Variants in MMP26 observed in about 807,000 individuals in gnomAD.
The protein encoded by MMP26 is matrix metalloproteinase-26.
Under a neutral mutation model 31.0 loss-of-function variants are expected in MMP26, and 33 were observed. The observed-to-expected ratio is 1.06, with a 90% CI of 0.81 to 1.42. The LOEUF is 1.42. Ranked by LOEUF, MMP26 falls within the 40% of genes most tolerant of loss-of-function variation. The pLI is 0.00. For missense variants in MMP26, 347 were observed against 316.1 expected (o/e 1.10, Z -0.74); for synonymous variants, 122 against 114.9 (o/e 1.06, Z -0.40).
At chr11:4,855,092 T>TA (rs1276708276) in intron 2 of MMP26, among the ~76,000 whole-genome samples, 6 of 152,028 alleles carry the variant, frequency 3.9e-5, no homozygotes, top group Admixed American at 6.6e-5. Flanking sequence ...CAAAGGTAGA[T>TA]AAAACCACAA....
chr11:4,932,132 G>A (rs1851358342), intron 2 of MMP26, among the ~76,000 whole-genome samples: 1 of 152,124 alleles, frequency 6.6e-6, no homozygotes. Context: ...GTCTCCATCA[G>A]TGCTCAGCAA....
chr11:4,956,861 A>G (rs567934511), intron 2 of MMP26, among the ~76,000 whole-genome samples: 52 of 152,244 alleles, frequency 3.4e-4, no homozygotes, highest in Admixed American at 8.5e-4. Flanking sequence ...TACATTTTGT[A>G]CACAATAATG....
At chr11:4,763,047 T>C (rs1401454717) in intron 1 of MMP26, among the ~76,000 whole-genome samples, 2 of 152,324 alleles carry the variant, frequency 1.3e-5, no homozygotes, top group East Asian at 3.9e-4. Context: ...TATTAAACAA[T>C]ATTATAATTC....
At chr11:4,938,128 C>T (rs1415180589) in intron 2 of MMP26, 1 of 152,064 alleles carries the variant, frequency 6.6e-6, no homozygotes. Flanking sequence ...TTCATGGAGG[C>T]TTTGCTCTGT....
chr11:4,860,725 ACT>A (rs981632859), intron 2 of MMP26: 5 of 308,738 alleles, frequency 1.6e-5, no homozygotes, highest in Non-Finnish European at 3.2e-5. Flanking sequence ...TATTTGTAAC[ACT>A]GTGTCTTTTT....
chr11:4,834,038 G>C (rs1462880260), intron 2 of MMP26, among the ~76,000 whole-genome samples: 1 of 152,100 alleles, frequency 6.6e-6, no homozygotes, highest in Non-Finnish European at 1.5e-5. Context: ...AAAAAAAATA[G>C]TCTAAAGAAA....
In MMP26 at chr11:4,915,153, A is replaced by C. The variant is rs988418552; in HGVS notation, c.-144-72915A>C. 1.9e-6 allele frequency: 3 copies of C among 1,613,986 alleles called. No individual in the cohort carries two copies. Among genetic ancestry groups the C allele is most frequent in the Non-Finnish European group, 8.5e-7 (1 of 1,180,024 alleles). ...AGAACTGGGGAGCCACAATAGGGGAATCTTTTGAGCATAAAAGGTAATGGA... is the reference window on the plus strand; with the variant it reads ...AGAACTGGGGAGCCACAATAGGGGACTCTTTTGAGCATAAAAGGTAATGGA... On this transcript the variant is annotated intron_variant, in intron 2 of 7. Coordinates refer to ENST00000380390, the MANE Select transcript of MMP26 (RefSeq NM_021801.5).
chr11:4,940,022 A>T (rs1846185313), intron 2 of MMP26, among the ~76,000 whole-genome samples: 1 of 151,914 alleles, frequency 6.6e-6, no homozygotes, highest in Non-Finnish European at 1.5e-5. Context: ...GGTAGTCACT[A>T]TTGAGATTTA....
chr11:4,761,885 G>T (rs1848572500), intron 1 of MMP26, among the ~76,000 whole-genome samples: 1 of 152,062 alleles, frequency 6.6e-6, no homozygotes. Flanking sequence ...TTGGAAGCAA[G>T]CTGCAATATA....
intron 2 of MMP26, chr11:4,908,390 C>T (rs537846086): frequency 4.4e-6 from 5 of 1,146,240 alleles, no homozygotes; most frequent in East Asian, 2.4e-5. Flanking sequence ...ATAGAAGTCA[C>T]TAATGAAGGA....
At chr11:4,835,778 G>C (rs1167590318) in intron 2 of MMP26, among the ~76,000 whole-genome samples, 1 of 152,068 alleles carries the variant, frequency 6.6e-6, no homozygotes, top group African/African-American at 2.4e-5. Flanking sequence ...AGGTGGAGCT[G>C]GGGGAAGATT....
At chr11:4,883,024 T>C (rs766478573) in intron 2 of MMP26, 57 of 639,416 alleles carry the variant, frequency 8.9e-5, no homozygotes, top group Non-Finnish European at 1.5e-4. Flanking sequence ...TCCCCTGAGC[T>C]TATCAAAGAG....
In MMP26 at chr11:4,953,121, G is replaced by T. The variant is rs1276237126; in HGVS notation, c.-144-34947G>T. ...AATCTAAAGCAATAAATTTCTCTTT[G>T]TACCATATCTTTTTTCCTGTTTTAA... On this transcript the variant is annotated intron_variant, in intron 2 of 7. Coordinates refer to ENST00000380390, the MANE Select transcript of MMP26 (RefSeq NM_021801.5). Among the ~76,000 whole-genome samples the T allele has an allele frequency of 1.6e-5, 2 of 125,494 alleles. 1 individual carries two copies. Among genetic ancestry groups the T allele is most frequent in the African/African-American group, 5.4e-5 (2 of 36,910 alleles). The allele number at this position is 125,494 out of a possible 152,430, so 82.3% of individuals were successfully genotyped here. A position where few individuals can be genotyped will look rare whatever the true frequency, so the allele number is the denominator to read the frequency against.
At chr11:4,771,062 G>A (rs1848710355) in intron 2 of MMP26, among the ~76,000 whole-genome samples, 1 of 152,176 alleles carries the variant, frequency 6.6e-6, no homozygotes, top group South Asian at 2.1e-4. Flanking sequence ...TAAGAAACTT[G>A]GCAGTGAAGG....
intron 1 of MMP26, among the ~76,000 whole-genome samples, chr11:4,707,429 A>G (rs1024421103): frequency 4.6e-5 from 7 of 152,108 alleles, no homozygotes; most frequent in Non-Finnish European, 8.8e-5. Flanking sequence ...TTGAATATTA[A>G]CCCCTAATCA....
At chr11:4,838,315 TAAAAAAAAAAAAAAAAAA>T (rs540572047) in intron 2 of MMP26, among the ~76,000 whole-genome samples, 53 of 27,410 alleles carry the variant, frequency 1.9e-3, no homozygotes, top group South Asian at 6.8e-3. Flanking sequence ...AGACTCTGTC[TAAAAAAAAAAAAAAAAAA>T]AAAAAAAAAA....
At chr11:4,859,956 G>A (rs748305842) in intron 2 of MMP26, 10 of 471,002 alleles carry the variant, frequency 2.1e-5, no homozygotes, top group African/African-American at 1.8e-4. Context: ...AGATGACGAC[G>A]ATGAGGCCGT....
At chr11:4,804,098 T>G in intron 2 of MMP26, 3 of 1,613,938 alleles carry the variant, frequency 1.9e-6, no homozygotes, top group Non-Finnish European at 2.5e-6. Context: ...TGGTACTGAA[T>G]CTCATGAGCA....
At chr11:4,908,454 A>G in intron 2 of MMP26, 2 of 728,494 alleles carry the variant, frequency 2.7e-6, no homozygotes, top group African/African-American at 1.8e-5. Flanking sequence ...TAAAGTTGAG[A>G]ATATAACTGA....
Sources: gnomAD v4.1 joint callset for allele counts (sites outside exome capture counted in the v4.1 genomes callset) on GRCh38, gnomAD v4.1.1 for gene constraint, MANE v1.5 for transcripts, NCBI Gene and HGNC (gene_info 2026-07-23, HGNC 2026-07-21) for gene names.